The following KCNH2 variants were observed in gnomAD, a reference collection of about 807,000 sequenced individuals.
KCNH2 encodes the protein potassium voltage-gated channel subfamily H member 2.
Under a neutral mutation model 95.9 loss-of-function variants are expected in KCNH2, and 35 were observed. The observed-to-expected ratio is 0.37, with a 90% CI of 0.28 to 0.48. The LOEUF (loss-of-function observed/expected upper bound fraction) is 0.48, where lower values mean the gene tolerates loss of function less well. KCNH2 is among the 20% of genes least tolerant of loss of function. KCNH2 has a pLI of 0.99. For synonymous variants in KCNH2, 786 were observed against 754.7 expected (o/e 1.04, Z -0.68); for missense variants, 1,274 against 1,702.9 (o/e 0.75, Z 4.43).
At chr7:150,971,265 G>A (rs1194730469) in intron 2 of KCNH2, among the ~76,000 whole-genome samples, 1 of 152,184 alleles carries the variant, frequency 6.6e-6, no homozygotes, top group Non-Finnish European at 1.5e-5. Context: ...GGGTTCCAAG[G>A]CCGGGGACAG....
Position 150,948,425 on chromosome 7 carries a change from C to T in KCNH2, c.2692+19G>A. ...CACCTTGTCCCCGCCCTCCCCCTTC[C>T]TCCCCTCCCCCGCCTCACCCTTGTC... is the stretch of plus-strand genomic sequence containing the variant. On this transcript the variant is annotated intron_variant, in intron 11 of 14. Transcript: ENST00000262186. The T allele has an allele frequency of 2.1e-6, 3 of 1,436,846 alleles. No individual in the cohort carries two copies. The highest frequency in any genetic ancestry group is 3.4e-5 in the Admixed American group (2 of 58,016). 89.0% of individuals were successfully genotyped at this position (1,436,846 alleles called of 1,614,324 possible).
rs1330745574 is a variant in KCNH2 at position 150,952,282 on chromosome 7, A to T, written c.1557+143T>A. The T allele has an allele frequency of 2.0e-5, 19 of 931,038 alleles. No homozygotes were observed. Among genetic ancestry groups the T allele is most frequent in the Non-Finnish European group, 2.8e-5 (17 of 607,452 alleles). 57.7% of individuals were successfully genotyped at this position (931,038 alleles called of 1,614,324 possible). Reference sequence around the variant, plus strand: ...TTGCCTCTGCAGCTGCCTTGCCACCATGTCTCTCTCCCACTGTCTTTCTCT... The same window carrying T: ...TTGCCTCTGCAGCTGCCTTGCCACCTTGTCTCTCTCCCACTGTCTTTCTCT... On this transcript the variant is annotated intron_variant, in intron 6 of 14. Coordinates refer to ENST00000262186, the MANE Select transcript of KCNH2 (RefSeq NM_000238.4). This position sits in a 1 kb window ranked among gnomAD's most constrained non-coding sequence, Gnocchi z 7.3.
Position 150,970,686 on chromosome 7 carries a change from G to A in KCNH2, c.307+4025C>T, listed in dbSNP as rs560612596. On this transcript the variant is annotated intron_variant, in intron 2 of 14. Coordinates refer to ENST00000262186, the MANE Select transcript of KCNH2 (RefSeq NM_000238.4). ...GGAAGCAGGGCCCCCATGGACCCCCGCCCGCACCTGGCAGCCCTGCAGATT... is the reference window on the plus strand; with the variant it reads ...GGAAGCAGGGCCCCCATGGACCCCCACCCGCACCTGGCAGCCCTGCAGATT... Among the ~76,000 whole-genome samples the A allele has an allele frequency of 3.9e-5, 6 of 152,288 alleles. No individual in the cohort carries two copies. In the South Asian group the frequency reaches 8.3e-4, roughly 21 times the overall value.
intron 4 of KCNH2, 67 bp downstream of exon 4, chr7:150,957,992 G>C (rs1003732864): frequency 4.1e-6 from 5 of 1,227,692 alleles, no homozygotes; most frequent in Non-Finnish European, 5.2e-6. Context: ...CGAGGGCCCA[G>C]AATGCAGCAA....
intron 11 of KCNH2, 66 bp downstream of exon 11, chr7:150,948,378 C>CCCG: frequency 7.5e-7 from 1 of 1,335,050 alleles, no homozygotes; most frequent in East Asian, 2.5e-5. Flanking sequence ...CACGGCCCAC[C>CCCG]CCGCCTTCCA....
chr7:150,970,307 C>G (rs145888505), intron 2 of KCNH2, among the ~76,000 whole-genome samples: 1 of 152,028 alleles, frequency 6.6e-6, no homozygotes, highest in Admixed American at 6.5e-5. Context: ...CCATGGCCCC[C>G]CTCCCCAGAG....
chr7:150,951,128 C>T lies in KCNH2; in HGVS notation c.1946-8G>A, dbSNP rs1384850938. The T allele has an allele frequency of 3.1e-6, 5 of 1,591,686 alleles. No individual in the cohort carries two copies. Among genetic ancestry groups the T allele is most frequent in the African/African-American group, 2.7e-5 (2 of 74,658 alleles). On this transcript the variant is annotated splice_region_variant and splice_polypyrimidine_tract_variant and intron_variant, in intron 7 of 14. Coordinates refer to ENST00000262186, the MANE Select transcript of KCNH2 (RefSeq NM_000238.4). ...TGCTAGCATACATGAGGGCTGGGGG[C>T]GTGGGCACGTGGGGCCGTCAGCCTC... is the stretch of plus-strand genomic sequence containing the variant.
At chr7:150,971,185 T>C (rs2117051367) in intron 2 of KCNH2, among the ~76,000 whole-genome samples, 1 of 152,204 alleles carries the variant, frequency 6.6e-6, no homozygotes, top group East Asian at 1.9e-4. Context: ...GGAGTGGGGC[T>C]GATCACAGGA....
At chr7:150,956,422 G>A (rs1238300995) in intron 5 of KCNH2, among the ~76,000 whole-genome samples, 1 of 152,186 alleles carries the variant, frequency 6.6e-6, no homozygotes, top group African/African-American at 2.4e-5. Flanking sequence ...GAAGGGGCAG[G>A]AGGGAACAGC....
At chr7:150,950,145 A>AGGGGGGGGCGGGGGGGGGGGGGGGGGGGG in intron 9 of KCNH2, 23 bp downstream of exon 9, 1 of 1,424,934 alleles carries the variant, frequency 7.0e-7, no homozygotes, top group East Asian at 2.8e-5. Context: ...TTTCCAGTCC[A>AGGGGGGGGCGGGGGGGGGGGGGGGGGGGG]GTGCCCGCCC....
In KCNH2 at chr7:150,974,595, G is replaced by C. The variant is rs1055008913; in HGVS notation, c.307+116C>G. 67 of 869,030 alleles carry C rather than the reference G, an allele frequency of 7.7e-5. 1 individual carries two copies. The South Asian group carries it at 1.0e-3, about 13-fold the overall frequency. 53.8% of individuals were successfully genotyped at this position (869,030 alleles called of 1,614,324 possible). A position where few individuals can be genotyped will look rare whatever the true frequency, so the allele number is the denominator to read the frequency against. Reference sequence around the variant, plus strand: ...CCCCCACAGAACCCTGCCCGGGCTCGGGGCGTTCTCCAGCCGCCCCCACAC... The same window carrying C: ...CCCCCACAGAACCCTGCCCGGGCTCCGGGCGTTCTCCAGCCGCCCCCACAC... On this transcript the variant is annotated intron_variant, in intron 2 of 14. Coordinates refer to ENST00000262186, the MANE Select transcript of KCNH2 (RefSeq NM_000238.4).
At chr7:150,948,188 G>A (rs1378975670) in intron 11 of KCNH2, among the ~76,000 whole-genome samples, 1 of 152,206 alleles carries the variant, frequency 6.6e-6, no homozygotes, top group Non-Finnish European at 1.5e-5. Context: ...AGTGCTCACA[G>A]AGACCCCAGC....
At chr7:150,970,011 G>A (rs755129224) in intron 2 of KCNH2, among the ~76,000 whole-genome samples, 23 of 151,558 alleles carry the variant, frequency 1.5e-4, no homozygotes, top group African/African-American at 5.1e-4. Flanking sequence ...TCCTGCCCAC[G>A]TCGGGAGGGA....
intron 1 of KCNH2, among the ~76,000 whole-genome samples, chr7:150,976,861 C>G (rs756887451): frequency 6.6e-6 from 1 of 151,762 alleles, no homozygotes; most frequent in Non-Finnish European, 1.5e-5. Flanking sequence ...CTTGTTCCTC[C>G]GCTTCACACA....
At chr7:150,966,130 C>T (rs924207573) in intron 2 of KCNH2, among the ~76,000 whole-genome samples, 1 of 152,234 alleles carries the variant, frequency 6.6e-6, no homozygotes, top group African/African-American at 2.4e-5. Context: ...CCTTCAGCCC[C>T]CCTTCACTGT....
chr7:150,958,839 G>A (rs1287883187), intron 3 of KCNH2, among the ~76,000 whole-genome samples: 1 of 152,264 alleles, frequency 6.6e-6, no homozygotes, highest in African/African-American at 2.4e-5. Flanking sequence ...CACACAGCCA[G>A]TGCGTGGGGC....
At chr7:150,960,720 G>A (rs34657537) in intron 2 of KCNH2, among the ~76,000 whole-genome samples, 41,024 of 151,968 alleles carry the variant, frequency 0.27, 6,181 homozygotes, top group East Asian at 0.65. Flanking sequence ...CTCGCCTCGC[G>A]TTCCCCTCGA....
chr7:150,947,924 G>C (rs1563148415), intron 11 of KCNH2, 46 bp from the exon 12 acceptor site: 5 of 1,519,762 alleles, frequency 3.3e-6, no homozygotes, highest in Non-Finnish European at 4.4e-6. Context: ...GGAGAACAGA[G>C]AGGAGGGGGC....
intron 2 of KCNH2, among the ~76,000 whole-genome samples, chr7:150,974,188 C>T (rs41308996): frequency 0.025 from 3,842 of 152,140 alleles, 144 homozygotes; most frequent in African/African-American, 0.081. Flanking sequence ...CCAGGTGCTG[C>T]TGAAGCGCAG....
Sources: allele counts gnomAD v4.1 joint callset (sites outside exome capture counted in the v4.1 genomes callset), GRCh38; gene constraint gnomAD v4.1.1; non-coding constraint Gnocchi (gnomAD v3.1); transcripts MANE v1.5; gene names NCBI Gene and HGNC (gene_info 2026-07-23, HGNC 2026-07-21).